The following RNF128 variants were observed in gnomAD, a reference collection of about 807,000 sequenced individuals.
RNF128 encodes the protein E3 ubiquitin-protein ligase RNF128.
Under a neutral mutation model 26.2 loss-of-function variants are expected in RNF128, and 13 were observed. That is an observed-to-expected ratio of 0.50 (90% CI 0.32 to 0.79). The LOEUF (loss-of-function observed/expected upper bound fraction) is 0.79. RNF128 is among the 30% of genes least tolerant of loss of function. RNF128 has a pLI of 0.03. For synonymous variants in RNF128, 149 were observed against 142.5 expected, an observed-to-expected ratio of 1.05 and a Z score of -0.32; for missense variants, 315 against 349.7, an observed-to-expected ratio of 0.90 and a Z score of 0.79.
intron 1 of RNF128, among the ~76,000 whole-genome samples, chrX:106,704,389 C>T (rs746263913): frequency 7.1e-5 from 7 of 99,155 alleles, no homozygotes; most frequent in African/African-American, 2.3e-4. Flanking sequence ...GCTGAGATCG[C>T]GCCACGCACT....
intron 1 of RNF128, among the ~76,000 whole-genome samples, chrX:106,746,922 A>G (rs996046617): frequency 9.0e-6 from 1 of 111,454 alleles, no homozygotes; most frequent in Non-Finnish European, 1.9e-5. Flanking sequence ...ATCTGTAACT[A>G]CTATATACAT....
chrX:106,770,244 A>T (rs1263606986), intron 1 of RNF128, among the ~76,000 whole-genome samples: 2 of 110,631 alleles, frequency 1.8e-5, no homozygotes, highest in East Asian at 5.7e-4. Flanking sequence ...CTTCTCAAGG[A>T]GTATCTTTGT....
At chrX:106,784,608 G>T (rs1334055580) in intron 2 of RNF128, among the ~76,000 whole-genome samples, 1 of 111,712 alleles carries the variant, frequency 9.0e-6, no homozygotes, top group Non-Finnish European at 1.9e-5. Context: ...GACTCGTGCA[G>T]GGTTATTCAT....
chrX:106,745,564 T>C (rs1365572095), intron 1 of RNF128, among the ~76,000 whole-genome samples: 1 of 112,003 alleles, frequency 8.9e-6, no homozygotes, highest in Non-Finnish European at 1.9e-5. Context: ...ATAATCACTT[T>C]ATACAAGGGT....
chrX:106,766,401 A>G (rs767602314), intron 1 of RNF128, among the ~76,000 whole-genome samples: 2 of 111,843 alleles, frequency 1.8e-5, no homozygotes, highest in East Asian at 2.8e-4. Context: ...TTTAATGATC[A>G]CCATTCTAAG....
At position 106,789,110 on chromosome X, in the gene RNF128, A is replaced by C. The variant is rs1335434010; in HGVS notation, c.888-1076A>C. Among the ~76,000 whole-genome samples, 115 of 85,921 alleles carry C rather than the reference A, an allele frequency of 1.3e-3. 1 individual carries two copies. The highest frequency in any genetic ancestry group is 4.8e-3 in the African/African-American group (113 of 23,596). 74.6% of individuals were successfully genotyped at this position (85,921 alleles called of 115,157 possible). A position where few individuals can be genotyped will look rare whatever the true frequency, so the allele number is the denominator to read the frequency against. ...AGTATATAGTATATATATACTATATACTATATATACTATATACTATATAGT... is the reference window on the plus strand; with the variant it reads ...AGTATATAGTATATATATACTATATCCTATATATACTATATACTATATAGT... On this transcript the variant is annotated intron_variant, in intron 4 of 6. Coordinates refer to ENST00000255499, the MANE Select transcript of RNF128 (RefSeq NM_194463.2).
intron 6 of RNF128, among the ~76,000 whole-genome samples, chrX:106,792,917 C>T (rs1018996658): frequency 1.4e-4 from 16 of 111,948 alleles, no homozygotes; most frequent in African/African-American, 5.2e-4. Flanking sequence ...TTAATTTTGT[C>T]TGGGATTACA....
Position 106,694,666 on chromosome X carries a change from T to G in RNF128, c.406+258T>G, listed in dbSNP as rs753987362. On this transcript the variant is annotated intron_variant, in intron 1 of 6. Transcript: ENST00000324342. ...GCAATATAAGTTTCCTCAGTGGGCATTATATCGTGAGTTGCTTTTTAATAA... is the reference window on the plus strand; with the variant it reads ...GCAATATAAGTTTCCTCAGTGGGCAGTATATCGTGAGTTGCTTTTTAATAA... Among the ~76,000 whole-genome samples, 16 of 111,658 alleles carry G rather than the reference T, an allele frequency of 1.4e-4. No homozygotes were observed. In the Admixed American group the frequency reaches 1.5e-3, roughly 11 times the overall value.
intron 1 of RNF128, among the ~76,000 whole-genome samples, chrX:106,758,788 G>A (rs1043506582): frequency 2.4e-4 from 27 of 111,304 alleles, no homozygotes; most frequent in African/African-American, 8.8e-4. Flanking sequence ...AAATCAAAAT[G>A]GAATGAAGAC....
chrX:106,710,721 C>T (rs1323110549), intron 1 of RNF128, among the ~76,000 whole-genome samples: 1 of 89,630 alleles, frequency 1.1e-5, no homozygotes, highest in Admixed American at 1.4e-4. Flanking sequence ...GGTGCCACTG[C>T]ACTCCAGCCT....
chrX:106,785,013 T>A (rs1176969274), intron 2 of RNF128, 52 bp from the exon 3 acceptor site: 1 of 881,525 alleles, frequency 1.1e-6, no homozygotes, highest in Non-Finnish European at 1.6e-6. Context: ...TTTTTCATCA[T>A]ACTTCTTTTA....
intron 1 of RNF128, among the ~76,000 whole-genome samples, chrX:106,716,667 C>A (rs1396829531): frequency 2.7e-5 from 3 of 111,132 alleles, no homozygotes; most frequent in Non-Finnish European, 5.7e-5. Flanking sequence ...CCCTCAAATT[C>A]TTGCCAATCA....
chrX:106,709,884 G>A (rs1247722034), intron 1 of RNF128, among the ~76,000 whole-genome samples: 1 of 111,227 alleles, frequency 9.0e-6, no homozygotes, highest in Non-Finnish European at 1.9e-5. Flanking sequence ...ATTTCCCTAC[G>A]GTAAGATCTT....
At chrX:106,693,891 C>T (rs773564269) in exon 1 of RNF128, 14 of 593,325 alleles carry the variant, frequency 2.4e-5, no homozygotes, top group African/African-American at 4.6e-5. Context: ...CAGTTACCTA[C>T]GTGCAACTGA....
At chrX:106,698,516 CA>C (rs990399935) in intron 1 of RNF128, among the ~76,000 whole-genome samples, 28 of 111,296 alleles carry the variant, frequency 2.5e-4, no homozygotes, top group African/African-American at 8.5e-4. Flanking sequence ...GAGAAGATGA[CA>C]AAAAACTTCG....
intron 3 of RNF128, among the ~76,000 whole-genome samples, chrX:106,785,850 G>T (rs1425024288): frequency 8.9e-6 from 1 of 111,752 alleles, no homozygotes; most frequent in Non-Finnish European, 1.9e-5. Context: ...AGAACTTATG[G>T]AAATAATACA....
chrX:106,754,413 T>G (rs1157584231), intron 1 of RNF128, among the ~76,000 whole-genome samples: 1 of 65,627 alleles, frequency 1.5e-5, no homozygotes, highest in Non-Finnish European at 2.8e-5. Context: ...TCTTTCTCTT[T>G]TTTTTTTTTT....
rs1929404495 is a variant in RNF128, at chrX:106,726,780, C to T, written c.-134C>T. 5 of 1,067,879 alleles carry T rather than the reference C, an allele frequency of 4.7e-6. No homozygotes were observed. The highest frequency in any genetic ancestry group is 6.0e-6 in the Non-Finnish European group (5 of 832,263). 88.0% of individuals were successfully genotyped at this position (1,067,879 alleles called of 1,213,427 possible). On this transcript the variant is annotated 5_prime_UTR_variant, in exon 1 of 7. Transcript: ENST00000255499. Reference sequence around the variant, plus strand: ...GCTGACGCTACGTGCCTCCTGGCTCCGACGTAGCTCGCAGCTCCCCAGTCT... The same window carrying T: ...GCTGACGCTACGTGCCTCCTGGCTCTGACGTAGCTCGCAGCTCCCCAGTCT...
At chrX:106,732,736 T>C (rs1929521446) in intron 1 of RNF128, among the ~76,000 whole-genome samples, 2 of 111,873 alleles carry the variant, frequency 1.8e-5, no homozygotes, top group African/African-American at 3.2e-5. Flanking sequence ...GGATTTTTAA[T>C]GGCAAAATGC....
Sources: gnomAD v4.1 joint callset for allele counts (sites outside exome capture counted in the v4.1 genomes callset) on GRCh38, gnomAD v4.1.1 for gene constraint, MANE v1.5 for transcripts, NCBI Gene and HGNC (gene_info 2026-07-23, HGNC 2026-07-21) for gene names.